Variants in RAD18 observed in about 807,000 individuals in gnomAD.
RAD18 encodes the protein E3 ubiquitin-protein ligase RAD18.
A neutral mutation model predicts 60.4 loss-of-function variants in RAD18; 47 were observed. The observed-to-expected ratio is 0.78, with a 90% CI of 0.62 to 0.99. The LOEUF (loss-of-function observed/expected upper bound fraction) is 0.99. Ranked by LOEUF, RAD18 falls within the 50% of genes least tolerant of loss-of-function variation. The pLI, the probability that RAD18 is intolerant of heterozygous loss-of-function variation, is 0.00. For synonymous variants in RAD18, 225 were observed against 195.5 expected (o/e 1.15, Z -1.26); for missense variants, 640 against 593.3 (o/e 1.08, Z -0.82).
chr3:8,913,402 G>A (rs1335806147), intron 8 of RAD18, among the ~76,000 whole-genome samples: 1 of 152,106 alleles, frequency 6.6e-6, no homozygotes, highest in Non-Finnish European at 1.5e-5. Flanking sequence ...TGATGCACAG[G>A]CACAGGCATT....
rs775129950 is a variant in RAD18, at chr3:8,912,369, T to C, written c.970A>G (p.Met324Val). ...TCTGTTTGGTCCTTTGTAAAAACCA[T>C]TACCTAAAATAATCAAAAAAAGACC... The part of the protein sequence containing the change: ...LEASKLNESV[M>V]VFTKDQTEKE... Residue 324 changes from methionine (M) to valine (V), a missense_variant, in exon 9 of 13, where the codon ATG (methionine) becomes GTG (valine). Transcript: ENST00000264926. 21 of 1,545,672 alleles carry C rather than the reference T, an allele frequency of 1.4e-5. No individual in the cohort carries two copies. Among genetic ancestry groups the C allele is most frequent in the Admixed American group, 2.1e-5 (1 of 47,194 alleles).
intron 12 of RAD18, among the ~76,000 whole-genome samples, chr3:8,885,387 T>C (rs1472073529): frequency 6.6e-6 from 1 of 152,202 alleles, no homozygotes; most frequent in African/African-American, 2.4e-5. Context: ...TAAGATGAAA[T>C]GTAGACTATT....
chr3:8,942,387 C>T (rs1940765921), intron 4 of RAD18, among the ~76,000 whole-genome samples: 2 of 152,218 alleles, frequency 1.3e-5, no homozygotes, highest in Non-Finnish European at 2.9e-5. Context: ...CAAGACCTCA[C>T]TAGAAGCCGA....
At chr3:8,961,920 T>C (rs1225062936) in intron 1 of RAD18, among the ~76,000 whole-genome samples, 1 of 152,228 alleles carries the variant, frequency 6.6e-6, no homozygotes, top group Non-Finnish European at 1.5e-5. Context: ...AGAGCTCTTT[T>C]ACTTTCCTTA....
At chr3:8,905,747 C>A (rs116658271) in intron 9 of RAD18, among the ~76,000 whole-genome samples, 279 of 152,314 alleles carry the variant, frequency 1.8e-3, no homozygotes, top group African/African-American at 6.2e-3. Flanking sequence ...AACTCTTGCA[C>A]CTTTCTCTAG....
intron 7 of RAD18, among the ~76,000 whole-genome samples, chr3:8,917,730 G>A (rs1038886098): frequency 3.3e-5 from 5 of 151,622 alleles, no homozygotes; most frequent in African/African-American, 7.3e-5. Context: ...AAAAGGAGAC[G>A]GAACAAAGGA....
Position 8,957,575 on chromosome 3 carries a change from A to G in RAD18, c.133+1345T>C, listed in dbSNP as rs145926398. On this transcript the variant is annotated intron_variant, in intron 2 of 12. Coordinates refer to ENST00000264926, the MANE Select transcript of RAD18 (RefSeq NM_020165.4). ...TTCAGGAGTTAGACAAACAGTTTAC[A>G]GATTATTTAGGTTCATGCTCTTTCC... 1.9e-3 allele frequency among the ~76,000 whole-genome samples: 290 copies of G among 152,322 alleles called. 1 individual carries two copies. Among genetic ancestry groups the G allele is most frequent in the African/African-American group, 6.4e-3 (266 of 41,586 alleles).
chr3:8,902,088 T>G (rs1361145938), intron 10 of RAD18, among the ~76,000 whole-genome samples: 2 of 152,166 alleles, frequency 1.3e-5, no homozygotes, highest in Non-Finnish European at 2.9e-5. Flanking sequence ...CACCAATAAA[T>G]TCTATATCTA....
At position 8,963,404 on chromosome 3, in the gene RAD18, T is replaced by C. The variant is rs766249218; in HGVS notation, c.-19A>G. 11 of 1,573,598 alleles carry C rather than the reference T, an allele frequency of 7.0e-6. No homozygotes were observed. Among genetic ancestry groups the C allele is most frequent in the African/African-American group, 5.5e-5 (4 of 72,270 alleles). On this transcript the variant is annotated 5_prime_UTR_variant, in exon 1 of 13. Coordinates refer to ENST00000264926, the MANE Select transcript of RAD18 (RefSeq NM_020165.4). ...AGTCCATGGTCGCTCCCGAGGATGC[T>C]GGGGGTCAGCCACCCACTAGCCTCC...
At chr3:8,920,204 G>A (rs543885165) in intron 7 of RAD18, among the ~76,000 whole-genome samples, 174 of 151,574 alleles carry the variant, frequency 1.1e-3, no homozygotes, top group Non-Finnish European at 2.0e-3. Flanking sequence ...GCGTGAACCT[G>A]GGAGGCGGAG....
chr3:8,890,305 A>G, intron 12 of RAD18, 84 bp downstream of exon 12: 1 of 1,114,450 alleles, frequency 9.0e-7, no homozygotes, highest in Non-Finnish European at 1.3e-6. Context: ...AAGCAAAAAT[A>G]TAATTTTGTT....
intron 11 of RAD18, among the ~76,000 whole-genome samples, chr3:8,894,891 G>A (rs1313171710): frequency 6.6e-6 from 1 of 151,214 alleles, no homozygotes; most frequent in East Asian, 1.9e-4. Flanking sequence ...CTCCCGAGTA[G>A]CTGGGATTAC....
At chr3:8,925,496 G>T (rs1207586627) in intron 7 of RAD18, among the ~76,000 whole-genome samples, 1 of 152,136 alleles carries the variant, frequency 6.6e-6, no homozygotes, top group Non-Finnish European at 1.5e-5. Flanking sequence ...GGAGGAGCTG[G>T]TACCATTCCT....
chr3:8,938,966 G>A (rs1483917979), intron 6 of RAD18, among the ~76,000 whole-genome samples: 1 of 152,118 alleles, frequency 6.6e-6, no homozygotes, highest in African/African-American at 2.4e-5. Context: ...AAGGGAGGTA[G>A]AACAGCACAG....
At chr3:8,913,757 A>G in intron 7 of RAD18, 37 bp from the exon 8 acceptor site, 1 of 1,343,952 alleles carries the variant, frequency 7.4e-7, no homozygotes, top group Non-Finnish European at 1.0e-6. Context: ...GGTTAATCAC[A>G]TGTCTTTTTT....
Position 8,898,879 on chromosome 3 carries a change from C to G in RAD18, c.1322+15G>C. 6.5e-7 allele frequency: 1 copy of G among 1,537,472 alleles called. No homozygotes were observed. Among genetic ancestry groups the G allele is most frequent in the Non-Finnish European group, 8.8e-7 (1 of 1,133,164 alleles). On this transcript the variant is annotated intron_variant, in intron 11 of 12. Transcript: ENST00000264926. Reference sequence around the variant, plus strand: ...AGTAGATATTTAAAATAATCAACTACTGCATGTTTCTTACCTATTGCATGA... The same window carrying G: ...AGTAGATATTTAAAATAATCAACTAGTGCATGTTTCTTACCTATTGCATGA...
intron 2 of RAD18, among the ~76,000 whole-genome samples, chr3:8,952,756 T>C (rs1194820459): frequency 6.6e-6 from 1 of 152,152 alleles, no homozygotes; most frequent in Non-Finnish European, 1.5e-5. Flanking sequence ...CCAATGTTAG[T>C]CACATTTGAC....
intron 7 of RAD18, among the ~76,000 whole-genome samples, chr3:8,934,482 C>A (rs575117395): frequency 6.6e-6 from 1 of 152,130 alleles, no homozygotes; most frequent in Non-Finnish European, 1.5e-5. Context: ...AGATGGCCAA[C>A]AAGCATATAA....
intron 6 of RAD18, among the ~76,000 whole-genome samples, chr3:8,939,256 A>G (rs1940703578): frequency 1.3e-5 from 2 of 152,266 alleles, no homozygotes; most frequent in African/African-American, 2.4e-5. Flanking sequence ...AGTTTTTAAA[A>G]TCTAAGAGAA....
Sources: allele counts gnomAD v4.1 joint callset (sites outside exome capture counted in the v4.1 genomes callset), GRCh38; gene constraint gnomAD v4.1.1; transcripts MANE v1.5; gene names NCBI Gene and HGNC (gene_info 2026-07-23, HGNC 2026-07-21).